DPP6: variants seen among roughly 807,000 people sequenced by gnomAD.
The protein encoded by DPP6 is A-type potassium channel modulatory protein DPP6.
Under a neutral mutation model 122.6 loss-of-function variants are expected in DPP6, and 69 were observed. The ratio of observed to expected loss-of-function variants is 0.56; its 90% CI spans 0.46 to 0.69. DPP6 has a LOEUF of 0.69. DPP6 is among the 30% of genes least tolerant of loss of function. The pLI, the probability that DPP6 is intolerant of heterozygous loss-of-function variation, is 0.00. For synonymous variants in DPP6, 418 were observed against 433.1 expected (o/e 0.97, Z 0.43); for missense variants, 928 against 1,116.9 (o/e 0.83, Z 2.41).
chr7:154,441,089 T>G (rs1819334445), intron 1 of DPP6, among the ~76,000 whole-genome samples: 1 of 152,196 alleles, frequency 6.6e-6, no homozygotes, highest in South Asian at 2.1e-4. Context: ...TATTGGCTGC[T>G]TGAGGTATGC....
intron 6 of DPP6, among the ~76,000 whole-genome samples, chr7:154,660,255 CGATGGCGTATTGGCCGTAGTGTT>C (rs1837543257): frequency 2.4e-5 from 1 of 41,704 alleles, no homozygotes; most frequent in Non-Finnish European, 9.1e-5. Flanking sequence ...TGGTGAATCA[CGATGGCGTATTGGCCGTAGTGTT>C]CACGCAGTCA....
Position 154,241,513 on chromosome 7 carries a change from T to G in DPP6, c.243+188450T>G, listed in dbSNP as rs906528379. The stretch of plus-strand genomic sequence containing the variant: ...AGAAGGAGGTTGCAGTGAGTTGTGG[T>G]CACTCCACTGCACTGCAGCCTGAGT... On this transcript the variant is annotated intron_variant, in intron 1 of 25. Coordinates refer to ENST00000377770, the MANE Select transcript of DPP6 (RefSeq NM_130797.4). The surrounding 1 kb of genome is among the most constrained non-coding windows in gnomAD (Gnocchi z 9.0). Among the ~76,000 whole-genome samples the G allele has an allele frequency of 2.0e-5, 3 of 151,952 alleles. No individual in the cohort carries two copies. The highest frequency in any genetic ancestry group is 4.4e-5 in the Non-Finnish European group (3 of 68,018).
At chr7:154,768,687 A>G (rs1348456413) in intron 8 of DPP6, among the ~76,000 whole-genome samples, 3 of 152,214 alleles carry the variant, frequency 2.0e-5, no homozygotes, top group Non-Finnish European at 4.4e-5. Flanking sequence ...TCTGTCGTTA[A>G]AACACTAACC....
intron 3 of DPP6, among the ~76,000 whole-genome samples, chr7:154,499,921 T>C (rs1825082867): frequency 6.6e-6 from 1 of 152,068 alleles, no homozygotes; most frequent in Non-Finnish European, 1.5e-5. Flanking sequence ...CAGAACAAAA[T>C]TATCAAAAGG....
intron 3 of DPP6, among the ~76,000 whole-genome samples, chr7:154,515,167 T>G (rs149580075): frequency 2.6e-5 from 4 of 152,348 alleles, no homozygotes; most frequent in African/African-American, 9.6e-5. Flanking sequence ...CTACATTCTG[T>G]GGAAGTGGCT....
chr7:154,402,803 T>A (rs891023456), intron 1 of DPP6, among the ~76,000 whole-genome samples: 2 of 151,678 alleles, frequency 1.3e-5, no homozygotes, highest in Non-Finnish European at 2.9e-5. Flanking sequence ...AATAAAACTC[T>A]GGGATCCAAA....
chr7:154,067,001 T>C (rs62485610), intron 1 of DPP6, among the ~76,000 whole-genome samples: 1,842 of 141,640 alleles, frequency 0.013, 16 homozygotes, highest in Non-Finnish European at 0.019. Context: ...GCCTGTGAGA[T>C]TGAGGAACTC....
chr7:154,329,816 G>A (rs1808759865), intron 1 of DPP6, among the ~76,000 whole-genome samples: 1 of 152,096 alleles, frequency 6.6e-6, no homozygotes, highest in Non-Finnish European at 1.5e-5. Context: ...AAGAAAATGT[G>A]GCACATATAC....
intron 1 of DPP6, among the ~76,000 whole-genome samples, chr7:153,980,600 A>G (rs39138): frequency 0.88 from 134,198 of 152,116 alleles, 59,252 homozygotes; most frequent in Middle Eastern, 0.92. Context: ...TTTTGAATGT[A>G]TTTGCTCTTG....
rs184402962 is a variant in DPP6, at chr7:153,926,696, A to G, written c.51+38962A>G. 4.0e-4 allele frequency among the ~76,000 whole-genome samples: 61 copies of G among 151,762 alleles called. 1 individual carries two copies. Among genetic ancestry groups the G allele is most frequent in the African/African-American group, 1.5e-3 (60 of 41,034 alleles). ...CTTTGTAACAAAAACTGGTTGTTAC[A>G]TGGACAGTGATCAGAGAAATCACTT... On this transcript the variant is annotated intron_variant, in intron 1 of 25. Transcript: ENST00000404039.
At chr7:154,074,139 C>CTCTATATAGATATCTATATATATCTA (rs1803373683) in intron 1 of DPP6, among the ~76,000 whole-genome samples, 1 of 29,924 alleles carries the variant, frequency 3.3e-5, no homozygotes, top group Non-Finnish European at 6.7e-5. Context: ...ATATATATCT[C>CTCTATATAGATATCTATATATATCTA]TCTATATATG....
At chr7:153,999,528 G>C (rs1797591568) in intron 1 of DPP6, among the ~76,000 whole-genome samples, 2 of 152,186 alleles carry the variant, frequency 1.3e-5, no homozygotes, top group Admixed American at 1.3e-4. Flanking sequence ...CTTCTTTAGT[G>C]AGTACTTGCC....
chr7:154,439,660 T>C (rs1051329907), intron 1 of DPP6, among the ~76,000 whole-genome samples: 1 of 151,456 alleles, frequency 6.6e-6, no homozygotes, highest in African/African-American at 2.4e-5. Flanking sequence ...TGTTAACAGA[T>C]AGCTATTGCA....
At chr7:154,294,690 G>A (rs1805420929) in intron 1 of DPP6, among the ~76,000 whole-genome samples, 1 of 152,208 alleles carries the variant, frequency 6.6e-6, no homozygotes, top group African/African-American at 2.4e-5. Flanking sequence ...GGGGAGCAGA[G>A]TTTCTGGGAA....
At chr7:153,888,506 G>A (rs1799043630) in intron 1 of DPP6, among the ~76,000 whole-genome samples, 1 of 152,214 alleles carries the variant, frequency 6.6e-6, no homozygotes, top group Non-Finnish European at 1.5e-5. Flanking sequence ...CGGCCTGGGC[G>A]CGCCTGCTCT....
rs1289324317 is a variant in DPP6 at position 154,062,161 on chromosome 7, G to C, written c.243+9098G>C. Reference sequence around the variant, plus strand: ...CAGACCCTCATCCCCCACCGGCTTAGGACCCACATCGTTGATCCTAAGATC... The same window carrying C: ...CAGACCCTCATCCCCCACCGGCTTACGACCCACATCGTTGATCCTAAGATC... On this transcript the variant is annotated intron_variant, in intron 1 of 25. Coordinates refer to ENST00000377770, the MANE Select transcript of DPP6 (RefSeq NM_130797.4). Among the ~76,000 whole-genome samples the C allele has an allele frequency of 2.0e-5, 2 of 101,810 alleles. 1 individual carries two copies. The highest frequency in any genetic ancestry group is 8.5e-4 in the South Asian group (2 of 2,342). The allele number at this position is 101,810 out of a possible 152,430, so 66.8% of individuals were successfully genotyped here. A position where few individuals can be genotyped will look rare whatever the true frequency, so the allele number is the denominator to read the frequency against.
intron 1 of DPP6, among the ~76,000 whole-genome samples, chr7:154,393,658 A>G (rs1814826032): frequency 1.3e-5 from 2 of 152,056 alleles, no homozygotes; most frequent in Admixed American, 6.5e-5. Flanking sequence ...ATAACATAAA[A>G]TTGTCCATCT....
At position 154,058,134 on chromosome 7, in the gene DPP6, C is replaced by A. The variant is rs1379469383; in HGVS notation, c.243+5071C>A. The A allele has an allele frequency of 2.8e-5, 4 of 143,746 alleles. 1 individual carries two copies. The Admixed American group carries it at 2.8e-4, about 10-fold the overall frequency. The allele number at this position is 143,746 out of a possible 1,614,324, so 8.9% of individuals were successfully genotyped here. A position where few individuals can be genotyped will look rare whatever the true frequency, so the allele number is the denominator to read the frequency against. On this transcript the variant is annotated intron_variant, in intron 1 of 25. Transcript: ENST00000377770. ...ACTCAGAGCCAACCCCTCTTCCCCC[C>A]CCTGGCTCTTGGGACCACCATCGCA...
the DPP6 span, among the ~76,000 whole-genome samples, chr7:153,824,009 GA>G: frequency 6.6e-6 from 1 of 152,248 alleles, no homozygotes; most frequent in East Asian, 1.9e-4. Context: ...TGTTTCAGGA[GA>G]AACTCACGTG....
Sources: gnomAD v4.1 joint callset for allele counts (sites outside exome capture counted in the v4.1 genomes callset) on GRCh38, gnomAD v4.1.1 for gene constraint, Gnocchi (gnomAD v3.1) non-coding constraint, MANE v1.5 for transcripts, NCBI Gene and HGNC (gene_info 2026-07-23, HGNC 2026-07-21) for gene names.